ACP2: variants seen among roughly 807,000 people sequenced by gnomAD.
ACP2 encodes acid phosphatase 2, lysosomal, also known as lysosomal acid phosphatase.
Under a neutral mutation model 54.7 loss-of-function variants are expected in ACP2, and 35 were observed. That is an observed-to-expected ratio of 0.64 (90% CI 0.49 to 0.85). The LOEUF (loss-of-function observed/expected upper bound fraction) is 0.85. Ranked by LOEUF, ACP2 falls within the 40% of genes least tolerant of loss-of-function variation. The probability of loss-of-function intolerance (pLI) is 0.00; values close to 1 mark genes in which losing one functional copy is unlikely to be tolerated. For missense variants in ACP2, 492 were observed against 565.0 expected, an observed-to-expected ratio of 0.87 and a Z score of 1.31; for synonymous variants, 210 against 224.4, an observed-to-expected ratio of 0.94 and a Z score of 0.57.
At position 47,247,881 on chromosome 11, in the gene ACP2, G is replaced by A. The variant is rs1419296417; in HGVS notation, c.211-154C>T. 3.3e-6 allele frequency: 3 copies of A among 898,936 alleles called. No homozygotes were observed. The African/African-American group carries it at 5.1e-5, about 15-fold the overall frequency. 55.7% of individuals were successfully genotyped at this position (898,936 alleles called of 1,614,324 possible). A position where few individuals can be genotyped will look rare whatever the true frequency, so the allele number is the denominator to read the frequency against. ...TTCATTAAGTGGCCAGTCATGCACAGCAATATCATGGGCACAGAGATTAAG... is the reference window on the plus strand; with the variant it reads ...TTCATTAAGTGGCCAGTCATGCACAACAATATCATGGGCACAGAGATTAAG... On this transcript the variant is annotated intron_variant, in intron 2 of 10. Transcript: ENST00000672073.
intron 3 of ACP2, among the ~76,000 whole-genome samples, chr11:47,247,196 G>A (rs1349605618): frequency 1.3e-5 from 2 of 152,056 alleles, no homozygotes; most frequent in Non-Finnish European, 2.9e-5. Flanking sequence ...CCCTCTCTAC[G>A]CATGTCTTCC....
chr11:47,245,759 T>C lies in ACP2; in HGVS notation c.373A>G (p.Asn125Asp). Residue 125 changes from asparagine (N) to aspartate (D), a missense_variant, in exon 4 of 11, where the codon AAC (asparagine) becomes GAC (aspartate). Coordinates refer to ENST00000672073, the MANE Select transcript of ACP2 (RefSeq NM_001610.4). ...EANLAGLFPP[N>D]GMQRFNPNIS... ...TTCGGGTTGAAGCGCTGCATCCCGTTGGGAGGGAAGAGTCCAGCCAGGTTG... is the reference window on the plus strand; with the variant it reads ...TTCGGGTTGAAGCGCTGCATCCCGTCGGGAGGGAAGAGTCCAGCCAGGTTG... 6.2e-7 allele frequency: 1 copy of C among 1,613,308 alleles called. No individual in the cohort carries two copies. The highest frequency in any genetic ancestry group is 8.5e-7 in the Non-Finnish European group (1 of 1,179,564).
rs369127025 is a variant in ACP2, at chr11:47,242,818, C to T, written c.1043G>A (p.Arg348His). ...WPLSLPGCPH[R>H]CPLQDFLRLT... ...GCGAAGGAAGTCCTGCAGTGGGCAG[C>T]GGTGAGGGCAGCCAGGCAGGCTGAG... is the stretch of plus-strand genomic sequence containing the variant. The change falls in exon 10 of 11, where the codon CGC becomes CAC. Residue 348 changes from arginine to histidine, a missense_variant. Physicochemically the swap from Arg to His is conservative, Grantham distance 29 (BLOSUM62 0). Coordinates refer to ENST00000672073, the MANE Select transcript of ACP2 (RefSeq NM_001610.4). 46 of 1,614,036 alleles carry T rather than the reference C, an allele frequency of 2.9e-5. No homozygotes were observed. Among genetic ancestry groups the T allele is most frequent in the Middle Eastern group, 1.6e-4 (1 of 6,084 alleles).
intron 7 of ACP2, among the ~76,000 whole-genome samples, chr11:47,243,704 G>A (rs1953956024): frequency 6.6e-6 from 1 of 152,168 alleles, no homozygotes; most frequent in Non-Finnish European, 1.5e-5. Flanking sequence ...GTGACAGCAG[G>A]CATGCCCTTA....
chr11:47,243,078 T>G lies in ACP2; in HGVS notation c.902A>C (p.Asn301Thr). ...VALQMALDVYNGEQAPYASCH... is the reference protein window; with the variant it reads ...VALQMALDVYTGEQAPYASCH... ...GGAGGCGTAGGGGGCTTGTTCACCA[T>G]TGTAGACATCCAGTGCCATTTGCAG... The change falls in exon 9 of 11, where the codon AAT (asparagine) becomes ACT (threonine). Residue 301 changes from asparagine to threonine, a missense_variant. Physicochemically the swap from Asn to Thr is moderately conservative, Grantham distance 65. Coordinates refer to ENST00000672073, the MANE Select transcript of ACP2 (RefSeq NM_001610.4). 6.2e-7 allele frequency: 1 copy of G among 1,614,238 alleles called. No individual in the cohort carries two copies. The highest frequency in any genetic ancestry group is 8.5e-7 in the Non-Finnish European group (1 of 1,180,044).
chr11:47,245,479 T>C lies in ACP2; in HGVS notation c.544A>G (p.Asn182Asp), dbSNP rs754443245. The change falls in exon 5 of 11, where the codon AAT (asparagine) becomes GAT (aspartate). Residue 182 changes from asparagine (N) to aspartate (D), a missense_variant. Physicochemically the swap from Asn to Asp is conservative, Grantham distance 23. Coordinates refer to ENST00000672073, the MANE Select transcript of ACP2 (RefSeq NM_001610.4). ...GCACCTCTGCCCCCACTCACTGCATTCCGAGAACTCTCATTCTGATACTCT... is the reference window on the plus strand; with the variant it reads ...GCACCTCTGCCCCCACTCACTGCATCCCGAGAACTCTCATTCTGATACTCT... ...TPEYQNESSR[N>D]AQFLDMVANE... The C allele has an allele frequency of 4.3e-6, 7 of 1,614,186 alleles. No individual in the cohort carries two copies. In the South Asian group the frequency reaches 7.7e-5, roughly 18 times the overall value.
intron 3 of ACP2, chr11:47,247,419 C>T (rs766673751): frequency 2.8e-5 from 17 of 597,864 alleles, no homozygotes; most frequent in Middle Eastern, 3.9e-4. Context: ...CCCTTAAGTC[C>T]GAATTTGGAT....
chr11:47,242,588 G>A, intron 10 of ACP2, 135 bp downstream of exon 10: 6 of 974,076 alleles, frequency 6.2e-6, no homozygotes, highest in Non-Finnish European at 9.3e-6. Context: ...AAGGTATAAA[G>A]CAGTCTGGGG....
At chr11:47,248,584 C>T (rs549658663) in intron 1 of ACP2, 92 bp downstream of exon 1, 2 of 1,552,128 alleles carry the variant, frequency 1.3e-6, no homozygotes, top group African/African-American at 1.4e-5. Context: ...CCTCCTAAAC[C>T]AGCTGTTCCT....
In ACP2 at chr11:47,243,316, G is replaced by A. The variant is rs752316501; in HGVS notation, c.778C>T (p.Leu260=). 61 of 1,614,028 alleles carry A rather than the reference G, an allele frequency of 3.8e-5. No homozygotes were observed. In the South Asian group the frequency reaches 6.1e-4, roughly 16 times the overall value. Residue 260 remains leucine (L), a synonymous_variant, in exon 8 of 11, where the codon CTG becomes TTG. Coordinates refer to ENST00000672073, the MANE Select transcript of ACP2 (RefSeq NM_001610.4). ...AGGTTCTTCCTTATCTGAGCCAGCA[G>A]GACTCCTGAAGGAGAAAAGTCCCCG... ...AEKARLQGGV[L]LAQIRKNLTL...
intron 10 of ACP2, among the ~76,000 whole-genome samples, chr11:47,242,048 G>A (rs576276265): frequency 3.9e-5 from 6 of 152,330 alleles, no homozygotes; most frequent in East Asian, 1.9e-4. Flanking sequence ...TGGGTCATCC[G>A]TTCTTTAGTG....
intron 7 of ACP2, among the ~76,000 whole-genome samples, chr11:47,244,373 G>C (rs1953974847): frequency 6.6e-6 from 1 of 152,134 alleles, no homozygotes; most frequent in Non-Finnish European, 1.5e-5. Flanking sequence ...AAGTTAGCCA[G>C]GCATGATGGC....
intron 6 of ACP2, 70 bp from the exon 7 acceptor site, chr11:47,244,937 C>A: frequency 6.6e-7 from 1 of 1,504,840 alleles, no homozygotes; most frequent in South Asian, 1.3e-5. Flanking sequence ...GCTCTCTTCC[C>A]TAGTGGGAAG....
rs773468892 is a variant in ACP2 at position 47,248,638 on chromosome 11, G to T, written c.114+38C>A. The T allele has an allele frequency of 1.1e-5, 17 of 1,584,900 alleles. No individual in the cohort carries two copies. The East Asian group carries it at 3.4e-4, about 32-fold the overall frequency. ...CCACCAGCTGGCCTTTGCCCTTTTA[G>T]CTTCAGGGAAGTCTTTGGTGAGCCC... is the stretch of plus-strand genomic sequence containing the variant. On this transcript the variant is annotated intron_variant, in intron 1 of 10. Transcript: ENST00000672073.
intron 2 of ACP2, 108 bp downstream of exon 2, chr11:47,247,930 G>T (rs1954259640): frequency 9.5e-7 from 1 of 1,047,662 alleles, no homozygotes; most frequent in African/African-American, 1.6e-5. Context: ...GTCAAAGTCA[G>T]CACCCATATG....
Position 47,245,548 on chromosome 11 carries a change from A to G in ACP2, c.475T>C (p.Cys159Arg), listed in dbSNP as rs942975772. ...DRLLKFPLGP[C>R]PRYEQLQNET... Reference sequence around the variant, plus strand: ...TTCTGCAGCTGCTCATAACGGGGACATGGGCCCAACGGGAACTTCAGCAGC... The same window carrying G: ...TTCTGCAGCTGCTCATAACGGGGACGTGGGCCCAACGGGAACTTCAGCAGC... Residue 159 changes from cysteine (C) to arginine (R), a missense_variant, in exon 5 of 11, where the codon TGT (cysteine) becomes CGT (arginine). By Grantham distance (180) the Cys-to-Arg change is radical. Coordinates refer to ENST00000672073, the MANE Select transcript of ACP2 (RefSeq NM_001610.4). 6.2e-7 allele frequency: 1 copy of G among 1,614,206 alleles called. No individual in the cohort carries two copies.
chr11:47,242,801 A>G lies in ACP2; in HGVS notation c.1060T>C (p.Phe354Leu). 3 of 1,614,184 alleles carry G rather than the reference A, an allele frequency of 1.9e-6. No individual in the cohort carries two copies. The highest frequency in any genetic ancestry group is 2.2e-5 in the East Asian group (1 of 44,872). Residue 354 changes from phenylalanine (F) to leucine (L), a missense_variant, in exon 10 of 11, where the codon TTC becomes CTC. By Grantham distance (22) the Phe-to-Leu change is conservative (BLOSUM62 0). Coordinates refer to ENST00000672073, the MANE Select transcript of ACP2 (RefSeq NM_001610.4). Reference sequence around the variant, plus strand: ...ACGACGGGCTCTGTGAGGCGAAGGAAGTCCTGCAGTGGGCAGCGGTGAGGG... The same window carrying G: ...ACGACGGGCTCTGTGAGGCGAAGGAGGTCCTGCAGTGGGCAGCGGTGAGGG... ...GCPHRCPLQD[F>L]LRLTEPVVPK...
rs1422414616 is a variant in ACP2, at chr11:47,244,807, G to A, written c.700C>T (p.Arg234Trp). 4.3e-6 allele frequency: 7 copies of A among 1,613,018 alleles called. No individual in the cohort carries two copies. Among genetic ancestry groups the A allele is most frequent in the Non-Finnish European group, 5.1e-6 (6 of 1,179,158 alleles). The change falls in exon 7 of 11, where the codon CGG becomes TGG. Residue 234 changes from arginine to tryptophan, a missense_variant. Coordinates refer to ENST00000672073, the MANE Select transcript of ACP2 (RefSeq NM_001610.4). Reference protein sequence around the residue: ...ASPQTMQRLSRLKDFSFRFLF... With the variant: ...ASPQTMQRLSWLKDFSFRFLF... ...AAGCGGAAGCTGAAGTCCTTTAGCC[G>A]GCTGAGACGCTGCATGGTTTGGGGT...
chr11:47,248,593 C>T, intron 1 of ACP2, 83 bp downstream of exon 1: 1 of 1,553,000 alleles, frequency 6.4e-7, no homozygotes, highest in Non-Finnish European at 8.7e-7. Flanking sequence ...CCAGCTGTTC[C>T]TTCCCGAGAT....
Sources: allele counts gnomAD v4.1 joint callset (sites outside exome capture counted in the v4.1 genomes callset), GRCh38; gene constraint gnomAD v4.1.1; transcripts MANE v1.5; gene names NCBI Gene and HGNC (gene_info 2026-07-23, HGNC 2026-07-21).